Variants in GPD2 observed in about 807,000 individuals in gnomAD.
GPD2 encodes glycerol-3-phosphate dehydrogenase 2.
A neutral mutation model predicts 82.4 loss-of-function variants in GPD2; 54 were observed. The ratio of observed to expected loss-of-function variants is 0.66; its 90% CI spans 0.53 to 0.82. The LOEUF is 0.82. GPD2 is among the 40% of genes least tolerant of loss of function. The pLI, the probability that GPD2 is intolerant of heterozygous loss-of-function variation, is 0.00. For missense variants in GPD2, 748 were observed against 896.2 expected, an observed-to-expected ratio of 0.83 and a Z score of 2.11; for synonymous variants, 288 against 306.1, an observed-to-expected ratio of 0.94 and a Z score of 0.62.
At chr2:156,433,965 T>C (rs1326287890), upstream of GPD2, among the ~76,000 whole-genome samples, 1 of 152,118 alleles carries the variant, frequency 6.6e-6, no homozygotes, top group African/African-American at 2.4e-5. Context: ...CTTTTCTGGG[T>C]AACATGTTGC....
At chr2:156,450,328 A>G (rs1682511440) in intron 1 of GPD2, among the ~76,000 whole-genome samples, 1 of 152,184 alleles carries the variant, frequency 6.6e-6, no homozygotes, top group African/African-American at 2.4e-5. Context: ...ATACAGACTT[A>G]GGAATTATTT....
intron 1 of GPD2, among the ~76,000 whole-genome samples, chr2:156,452,042 C>T (rs1279714235): frequency 6.6e-6 from 1 of 151,376 alleles, no homozygotes; most frequent in South Asian, 2.1e-4. Context: ...GGATGGCGGC[C>T]GGGCAGAGAC....
chr2:156,451,378 C>T (rs1173219491), intron 1 of GPD2, among the ~76,000 whole-genome samples: 16 of 145,368 alleles, frequency 1.1e-4, no homozygotes, highest in Admixed American at 2.0e-4. Context: ...TGGGCAGAGG[C>T]GCCCCTCACC....
At chr2:156,434,995 C>T (rs1330648500), upstream of GPD2, among the ~76,000 whole-genome samples, 2 of 152,136 alleles carry the variant, frequency 1.3e-5, no homozygotes, top group East Asian at 3.9e-4. Flanking sequence ...TCTGGCATTC[C>T]ACCCCTCCCT....
chr2:156,408,679 G>T, the GPD2 span, among the ~76,000 whole-genome samples: 2 of 148,440 alleles, frequency 1.3e-5, no homozygotes, highest in African/African-American at 2.5e-5. Flanking sequence ...AGTTGAGGCT[G>T]CAGTGAGCTG....
rs78246516 is a variant in GPD2, at chr2:156,547,964, G to A, written c.662-1644G>A. Among the ~76,000 whole-genome samples, 1,415 of 152,220 alleles carry A rather than the reference G, an allele frequency of 9.3e-3. 6 individuals are homozygous for A. The highest frequency in any genetic ancestry group is 0.012 in the Non-Finnish European group (811 of 67,998). Reference sequence around the variant, plus strand: ...TCAAGGCACACCTGGATGGGTGAGCGTTTCTCTAAGCCTATGGTAAGAGCA... The same window carrying A: ...TCAAGGCACACCTGGATGGGTGAGCATTTCTCTAAGCCTATGGTAAGAGCA... On this transcript the variant is annotated intron_variant, in intron 6 of 16. Coordinates refer to ENST00000438166, the MANE Select transcript of GPD2 (RefSeq NM_000408.5).
chr2:156,431,342 A>T (rs1688314536), upstream of GPD2, among the ~76,000 whole-genome samples: 1 of 152,192 alleles, frequency 6.6e-6, no homozygotes, highest in Non-Finnish European at 1.5e-5. Context: ...GGTTATGGTC[A>T]TTGTTTCCTT....
At chr2:156,439,787 C>T (rs1682099360) in intron 1 of GPD2, among the ~76,000 whole-genome samples, 1 of 151,662 alleles carries the variant, frequency 6.6e-6, no homozygotes, top group African/African-American at 2.4e-5. Flanking sequence ...GCAGAGGTTG[C>T]AGTGAGTCAA....
the GPD2 span, among the ~76,000 whole-genome samples, chr2:156,412,275 A>C: frequency 6.6e-6 from 1 of 152,068 alleles, no homozygotes; most frequent in South Asian, 2.1e-4. Context: ...ATCTCTACTA[A>C]GAATACAAAA....
intron 1 of GPD2, among the ~76,000 whole-genome samples, chr2:156,447,376 T>A (rs1029182739): frequency 6.6e-6 from 1 of 151,992 alleles, no homozygotes; most frequent in African/African-American, 2.4e-5. Context: ...ATCCTGTCAC[T>A]CAGGCTGGAT....
chr2:156,541,281 G>A (rs1226126250), intron 6 of GPD2, among the ~76,000 whole-genome samples: 1 of 152,220 alleles, frequency 6.6e-6, no homozygotes, highest in Non-Finnish European at 1.5e-5. Context: ...AATAAGGTAT[G>A]TGTAGAATGC....
In GPD2 at chr2:156,457,843, G is replaced by C. The variant is rs367733947; in HGVS notation, c.-8-18255G>C. Among the ~76,000 whole-genome samples, 13 of 152,374 alleles carry C rather than the reference G, an allele frequency of 8.5e-5. No homozygotes were observed. In the East Asian group the frequency reaches 2.5e-3, roughly 29 times the overall value. On this transcript the variant is annotated intron_variant, in intron 1 of 16. Transcript: ENST00000438166. ...TGCTCAGTAATGTTATGTATTAGCA[G>C]TGGGAGTTGTTGGATAGCAGATGTA...
the GPD2 span, among the ~76,000 whole-genome samples, chr2:156,412,582 T>C: frequency 6.6e-6 from 1 of 152,206 alleles, no homozygotes; most frequent in African/African-American, 2.4e-5. Context: ...TACAATTGTA[T>C]GTATCTTATA....
chr2:156,553,140 C>T (rs1401385020), intron 8 of GPD2, among the ~76,000 whole-genome samples: 1 of 151,854 alleles, frequency 6.6e-6, no homozygotes, highest in Non-Finnish European at 1.5e-5. Context: ...CTGCCCGCCT[C>T]GCCTCCCAAA....
At chr2:156,405,909 C>A in the GPD2 span, among the ~76,000 whole-genome samples, 1 of 152,166 alleles carries the variant, frequency 6.6e-6, no homozygotes. Flanking sequence ...CACCTTGGAG[C>A]ACTTGCTCAA....
chr2:156,499,489 A>T (rs1452398585), intron 3 of GPD2, among the ~76,000 whole-genome samples: 3 of 152,180 alleles, frequency 2.0e-5, no homozygotes, highest in Non-Finnish European at 2.9e-5. Context: ...TAAAGGTCAG[A>T]TTGCAAGACT....
intron 16 of GPD2, 25 bp downstream of exon 16, chr2:156,579,813 G>A (rs758776473): frequency 4.7e-6 from 5 of 1,066,530 alleles, no homozygotes; most frequent in Admixed American, 1.7e-5. Flanking sequence ...AAGGAAACAA[G>A]GATATTTGCT....
intron 6 of GPD2, among the ~76,000 whole-genome samples, chr2:156,529,466 T>G (rs1375827620): frequency 1.4e-3 from 199 of 146,296 alleles, no homozygotes; most frequent in African/African-American, 3.9e-3. Context: ...GTCAATTTTG[T>G]CTTTTGTTGC....
chr2:156,549,051 A>T (rs1013369962), intron 6 of GPD2, among the ~76,000 whole-genome samples: 7 of 152,034 alleles, frequency 4.6e-5, no homozygotes, highest in Admixed American at 1.3e-4. Context: ...ATGTGTGATT[A>T]AAAAAAAGTT....
Sources: allele counts gnomAD v4.1 joint callset (sites outside exome capture counted in the v4.1 genomes callset), GRCh38; gene constraint gnomAD v4.1.1; transcripts MANE v1.5; gene names NCBI Gene and HGNC (gene_info 2026-07-23, HGNC 2026-07-21).